The following TG variants were observed in gnomAD, a reference collection of about 807,000 sequenced individuals.
TG encodes thyroglobulin, also known as thyroid hormones.
TG carries 270 observed loss-of-function variants against 324.7 expected under a neutral mutation model. That is an observed-to-expected ratio of 0.83 (90% CI 0.75 to 0.92). The LOEUF (loss-of-function observed/expected upper bound fraction) is 0.92. TG is among the 40% of genes least tolerant of loss of function. The pLI is 0.00. For missense variants in TG, 3,591 were observed against 3,456.4 expected, an observed-to-expected ratio of 1.04 and a Z score of -0.98; for synonymous variants, 1,401 against 1,327.0, an observed-to-expected ratio of 1.06 and a Z score of -1.21.
At chr8:133,026,583 A>G (rs73359382) in intron 40 of TG, among the ~76,000 whole-genome samples, 9,259 of 152,274 alleles carry the variant, frequency 0.061, 342 homozygotes, top group Middle Eastern at 0.099. Flanking sequence ...CAGACGGGAC[A>G]CAGGAGGATA....
At chr8:133,039,297 A>G (rs1243170345) in intron 41 of TG, among the ~76,000 whole-genome samples, 1 of 152,202 alleles carries the variant, frequency 6.6e-6, no homozygotes, top group Non-Finnish European at 1.5e-5. Context: ...ATCTTGGACA[A>G]ATCACTTAAC....
intron 40 of TG, among the ~76,000 whole-genome samples, chr8:133,027,604 G>A (rs1260692046): frequency 6.6e-6 from 1 of 152,242 alleles, no homozygotes; most frequent in Admixed American, 6.5e-5. Flanking sequence ...AGGCCAGGAA[G>A]AAGTTTGCAC....
At chr8:133,075,009 G>A in intron 41 of TG, 1 of 985,450 alleles carries the variant, frequency 1.0e-6, no homozygotes, top group Non-Finnish European at 1.2e-6. Context: ...CTACACAGAA[G>A]AACTGCAGTT....
At position 133,109,166 on chromosome 8, in the gene TG, C is replaced by T. The variant is rs571892251; in HGVS notation, c.7573-4256C>T. ...GTCCTGTTTCCTGGAGGAGGTGAGC[C>T]CTGAGCAAAACCTGGATTTTCTATT... On this transcript the variant is annotated intron_variant, in intron 43 of 47. Transcript: ENST00000220616. 5.3e-4 allele frequency among the ~76,000 whole-genome samples: 81 copies of T among 152,198 alleles called. No homozygotes were observed. The South Asian group carries it at 8.3e-3, about 16-fold the overall frequency.
At chr8:133,096,084 T>C in intron 42 of TG, 122 bp from the exon 43 acceptor site, 1 of 1,286,396 alleles carries the variant, frequency 7.8e-7, no homozygotes, top group Non-Finnish European at 1.1e-6. Flanking sequence ...CCTGGTCACT[T>C]TTTCTCAGTA....
chr8:132,893,294 G>A (rs535997692), intron 10 of TG, among the ~76,000 whole-genome samples: 52 of 120,992 alleles, frequency 4.3e-4, no homozygotes, highest in Admixed American at 6.8e-4. Context: ...GTGTGTATGT[G>A]TACGTGTGGT....
intron 45 of TG, among the ~76,000 whole-genome samples, chr8:133,120,780 A>G (rs1193649080): frequency 2.0e-5 from 3 of 152,176 alleles, no homozygotes; most frequent in Non-Finnish European, 2.9e-5. Flanking sequence ...ACCCCAACAT[A>G]TCTTTTTGAG....
chr8:132,966,228 T>C (rs1019270523), intron 29 of TG, among the ~76,000 whole-genome samples: 2 of 152,180 alleles, frequency 1.3e-5, no homozygotes, highest in Non-Finnish European at 2.9e-5. Context: ...GACAGAAGTC[T>C]CCAGGGGAAA....
intron 41 of TG, among the ~76,000 whole-genome samples, chr8:133,042,604 T>C (rs1838466173): frequency 6.7e-6 from 1 of 149,492 alleles, no homozygotes; most frequent in Non-Finnish European, 1.5e-5. Context: ...AAAGGCATCA[T>C]GATGAAAATT....
chr8:133,106,069 T>C (rs965912151), intron 43 of TG, among the ~76,000 whole-genome samples: 2 of 152,014 alleles, frequency 1.3e-5, no homozygotes, highest in African/African-American at 4.8e-5. Flanking sequence ...GCAGGCACTT[T>C]AGCTCTAGGT....
At chr8:132,874,397 C>T (rs1016591804) in intron 5 of TG, among the ~76,000 whole-genome samples, 1 of 152,206 alleles carries the variant, frequency 6.6e-6, no homozygotes, top group Non-Finnish European at 1.5e-5. Flanking sequence ...AGCTTCTGGT[C>T]ATCCACACTG....
In TG at chr8:132,869,814, C is replaced by A; in HGVS notation, c.262C>A (p.Arg88=). Residue 88 remains arginine, a synonymous_variant, in exon 3 of 48, where the codon CGG becomes AGG. Coordinates refer to ENST00000220616, the MANE Select transcript of TG (RefSeq NM_003235.5). ...AGTGCTGGGCAGCAGGCAGCCAGGA[C>A]GGCCTGTGGCTTGTAAGTGGGAGTG... ...SEVLGSRQPG[R]PVACLSFCQL... The A allele has an allele frequency of 6.2e-7, 1 of 1,613,982 alleles. No homozygotes were observed. Among genetic ancestry groups the A allele is most frequent in the Non-Finnish European group, 8.5e-7 (1 of 1,180,014 alleles).
chr8:133,047,758 G>A, intron 41 of TG: 2 of 862,960 alleles, frequency 2.3e-6, no homozygotes, highest in Non-Finnish European at 2.0e-6. Flanking sequence ...ATGAAGCCGT[G>A]TAATGAGTCA....
chr8:132,982,184 A>G (rs946484882), intron 34 of TG, among the ~76,000 whole-genome samples: 1 of 152,206 alleles, frequency 6.6e-6, no homozygotes, highest in African/African-American at 2.4e-5. Context: ...CATTTTATAG[A>G]CAAGGAAACT....
At chr8:132,923,193 G>C in intron 21 of TG, 145 bp from the exon 22 acceptor site, 1 of 930,896 alleles carries the variant, frequency 1.1e-6, no homozygotes, top group South Asian at 1.4e-5. Context: ...GATCAGAACA[G>C]TGGGAACACT....
intron 11 of TG, among the ~76,000 whole-genome samples, chr8:132,897,002 G>A (rs1817216822): frequency 6.6e-6 from 1 of 152,170 alleles, no homozygotes; most frequent in South Asian, 2.1e-4. Context: ...TCCTCACCTG[G>A]GGTAAAAGTT....
chr8:132,892,867 C>T (rs1587276957), intron 10 of TG, among the ~76,000 whole-genome samples: 1 of 105,454 alleles, frequency 9.5e-6, no homozygotes, highest in South Asian at 3.4e-4. Context: ...GTGTGGTATG[C>T]GTGTGTGCAT....
chr8:133,113,093 T>A (rs1171133303), intron 43 of TG, among the ~76,000 whole-genome samples: 1 of 152,200 alleles, frequency 6.6e-6, no homozygotes, highest in Non-Finnish European at 1.5e-5. Flanking sequence ...GTTTGACCTG[T>A]TCTCAGACTG....
intron 41 of TG, among the ~76,000 whole-genome samples, chr8:133,060,659 T>G (rs1190644624): frequency 6.6e-6 from 1 of 152,198 alleles, no homozygotes; most frequent in Non-Finnish European, 1.5e-5. Context: ...CTACTTTTTG[T>G]CATCCTTTTG....
Sources: gnomAD v4.1 joint callset for allele counts (sites outside exome capture counted in the v4.1 genomes callset) on GRCh38, gnomAD v4.1.1 for gene constraint, MANE v1.5 for transcripts, NCBI Gene and HGNC (gene_info 2026-07-23, HGNC 2026-07-21) for gene names.